The following RASAL2 variants were observed in gnomAD, a reference collection of about 807,000 sequenced individuals.
RASAL2 encodes RAS protein activator like 2.
Under a neutral mutation model 128.9 loss-of-function variants are expected in RASAL2, and 58 were observed. The observed-to-expected ratio is 0.45, with a 90% CI of 0.36 to 0.56. RASAL2 has a LOEUF of 0.56. RASAL2 is among the 20% of genes least tolerant of loss of function. The pLI is 0.00. For synonymous variants in RASAL2, 561 were observed against 580.8 expected (o/e 0.97, Z 0.49); for missense variants, 1,360 against 1,601.6 (o/e 0.85, Z 2.57).
intron 1 of RASAL2, among the ~76,000 whole-genome samples, chr1:178,276,328 A>ATTACTTTTT (rs1403163382): frequency 3.9e-5 from 6 of 152,166 alleles, no homozygotes; most frequent in African/African-American, 1.2e-4. Flanking sequence ...AATAAGTAAA[A>ATTACTTTTT]TTAAACTTTA....
chr1:178,214,310 TAAA>T (rs1663354900), intron 1 of RASAL2, among the ~76,000 whole-genome samples: 1 of 152,090 alleles, frequency 6.6e-6, no homozygotes, highest in South Asian at 2.1e-4. Context: ...AATAAATAAA[TAAA>T]TAATTTCAGG....
chr1:178,302,834 G>A (rs969944323), intron 3 of RASAL2, among the ~76,000 whole-genome samples: 10 of 152,152 alleles, frequency 6.6e-5, no homozygotes, highest in African/African-American at 2.4e-4. Flanking sequence ...GAGGTCAGGA[G>A]TTCAAGACCA....
intron 1 of RASAL2, among the ~76,000 whole-genome samples, chr1:178,173,914 T>TTA (rs1553256262): frequency 1.5e-4 from 23 of 150,502 alleles, no homozygotes; most frequent in African/African-American, 4.1e-4. Context: ...TTTTTTTTTT[T>TTA]AAAAAAGTTC....
At chr1:178,439,056 C>T (rs1056449729) in intron 5 of RASAL2, among the ~76,000 whole-genome samples, 2 of 151,828 alleles carry the variant, frequency 1.3e-5, no homozygotes, top group Non-Finnish European at 2.9e-5. Context: ...AATACCTTTG[C>T]ATAAGAAAGA....
At position 178,442,780 on chromosome 1, in the gene RASAL2, C is replaced by G. The variant is rs553116483; in HGVS notation, c.1033C>G (p.Leu345Val). The change falls in exon 8 of 18, where the codon CTC (leucine) becomes GTC (valine). Residue 345 changes from leucine to valine, a missense_variant. Transcript: ENST00000367649. Reference sequence around the variant, plus strand: ...CTGCGAACTGTGCCTTGATGATACCCTCTTTGCTCGTACAACCAGCAAGAC... The same window carrying G: ...CTGCGAACTGTGCCTTGATGATACCGTCTTTGCTCGTACAACCAGCAAGAC... The part of the protein sequence containing the change: ...YFCELCLDDT[L>V]FARTTSKTKA... 1.2e-6 allele frequency: 2 copies of G among 1,613,948 alleles called. No homozygotes were observed. Among genetic ancestry groups the G allele is most frequent in the East Asian group, 2.2e-5 (1 of 44,880 alleles).
At chr1:178,346,283 T>TC (rs1670150418) in intron 3 of RASAL2, among the ~76,000 whole-genome samples, 1 of 151,834 alleles carries the variant, frequency 6.6e-6, no homozygotes, top group African/African-American at 2.4e-5. Flanking sequence ...GCACCTCTAG[T>TC]CCCAGCTACT....
At chr1:178,118,421 G>C (rs1173425061) in intron 1 of RASAL2, among the ~76,000 whole-genome samples, 1 of 152,136 alleles carries the variant, frequency 6.6e-6, no homozygotes, top group African/African-American at 2.4e-5. Context: ...TCGTTGTCGT[G>C]CAACTAGATG....
chr1:178,250,057 C>T (rs1664968736), intron 1 of RASAL2, among the ~76,000 whole-genome samples: 1 of 152,260 alleles, frequency 6.6e-6, no homozygotes, highest in African/African-American at 2.4e-5. Flanking sequence ...CTTGAAGAGG[C>T]AGTCTGTCCC....
At chr1:178,447,862 G>A (rs534652227) in intron 9 of RASAL2, among the ~76,000 whole-genome samples, 19 of 151,700 alleles carry the variant, frequency 1.3e-4, no homozygotes, top group African/African-American at 4.6e-4. Context: ...ACAGAGAATT[G>A]TGGGGTGTTG....
At chr1:178,467,955 TTGTTGG>T (rs1214841713) in intron 17 of RASAL2, among the ~76,000 whole-genome samples, 12 of 152,302 alleles carry the variant, frequency 7.9e-5, no homozygotes, top group African/African-American at 2.9e-4. Flanking sequence ...CTGCTCTTCT[TTGTTGG>T]TGCTGTGCTT....
intron 1 of RASAL2, among the ~76,000 whole-genome samples, chr1:178,152,737 GA>G (rs1212803797): frequency 1.3e-5 from 2 of 152,130 alleles, no homozygotes; most frequent in Non-Finnish European, 2.9e-5. Flanking sequence ...CAAAAGTGGA[GA>G]AAATAATTTA....
At chr1:178,162,455 T>TA (rs1661354571) in intron 1 of RASAL2, among the ~76,000 whole-genome samples, 1 of 123,028 alleles carries the variant, frequency 8.1e-6, no homozygotes, top group African/African-American at 3.2e-5. Flanking sequence ...ATATATAATA[T>TA]TAAATATATT....
intron 1 of RASAL2, among the ~76,000 whole-genome samples, chr1:178,136,796 A>G (rs1265169791): frequency 6.7e-6 from 1 of 148,644 alleles, no homozygotes; most frequent in Non-Finnish European, 1.5e-5. Context: ...AGATGAAAAG[A>G]TAAGACAACC....
At chr1:178,154,890 C>A (rs1661032069) in intron 1 of RASAL2, among the ~76,000 whole-genome samples, 1 of 152,148 alleles carries the variant, frequency 6.6e-6, no homozygotes, top group Non-Finnish European at 1.5e-5. Flanking sequence ...AGGGTGCCAT[C>A]TCAGCTCACT....
chr1:178,292,174 T>G (rs941104694), intron 2 of RASAL2, among the ~76,000 whole-genome samples: 1 of 152,188 alleles, frequency 6.6e-6, no homozygotes, highest in Non-Finnish European at 1.5e-5. Context: ...GGTTTTAAAC[T>G]TTAATTAAAT....
chr1:178,162,076 T>C (rs1325443400), intron 1 of RASAL2, among the ~76,000 whole-genome samples: 2 of 150,496 alleles, frequency 1.3e-5, no homozygotes, highest in Non-Finnish European at 3.0e-5. Context: ...GCCATTCTCC[T>C]GCCTCAGCCT....
At chr1:178,136,756 C>CAAAAAAAAAAAAAA (rs397982072) in intron 1 of RASAL2, among the ~76,000 whole-genome samples, 5 of 47,206 alleles carry the variant, frequency 1.1e-4, no homozygotes, top group African/African-American at 4.1e-4. Context: ...GACTCTGTCT[C>CAAAAAAAAAAAAAA]AAAAAAAAAA....
chr1:178,422,042 G>A (rs1384738921), intron 5 of RASAL2, among the ~76,000 whole-genome samples: 1 of 151,824 alleles, frequency 6.6e-6, no homozygotes, highest in Admixed American at 6.6e-5. Flanking sequence ...GAACAAAAAT[G>A]TTGTGCAGCA....
chr1:178,433,928 AAGTC>A (rs1406160580), intron 5 of RASAL2, among the ~76,000 whole-genome samples: 1 of 151,990 alleles, frequency 6.6e-6, no homozygotes, highest in Non-Finnish European at 1.5e-5. Flanking sequence ...AAAAAAAAAA[AAGTC>A]AGTGTTATTG....
Sources: allele counts gnomAD v4.1 joint callset (sites outside exome capture counted in the v4.1 genomes callset), GRCh38; gene constraint gnomAD v4.1.1; transcripts MANE v1.5; gene names NCBI Gene and HGNC (gene_info 2026-07-23, HGNC 2026-07-21).